Variants in SLC35F1 observed in about 807,000 individuals in gnomAD.
SLC35F1 encodes chromosome 6 open reading frame 169.
A neutral mutation model predicts 48.7 loss-of-function variants in SLC35F1; 14 were observed. That is an observed-to-expected ratio of 0.29 (90% CI 0.19 to 0.45). The LOEUF is 0.45. Among genes scored for constraint, SLC35F1 ranks in the 20% least tolerant of loss-of-function variants. The pLI, the probability that SLC35F1 is intolerant of heterozygous loss-of-function variation, is 1.00. For missense variants in SLC35F1, 404 were observed against 500.0 expected, an observed-to-expected ratio of 0.81 and a Z score of 1.83; for synonymous variants, 190 against 202.2, an observed-to-expected ratio of 0.94 and a Z score of 0.51.
chr6:117,950,715 A>C (rs1048136781), intron 1 of SLC35F1, among the ~76,000 whole-genome samples: 1 of 152,190 alleles, frequency 6.6e-6, no homozygotes, highest in Non-Finnish European at 1.5e-5. Flanking sequence ...GATATAGAGA[A>C]ACCATCTGAA....
intron 7 of SLC35F1, among the ~76,000 whole-genome samples, chr6:118,308,740 C>T (rs1023137379): frequency 1.3e-5 from 2 of 152,190 alleles, no homozygotes; most frequent in Non-Finnish European, 2.9e-5. Flanking sequence ...AATACCTTTT[C>T]ATCAGAAGTC....
chr6:117,998,407 G>A (rs1389450296), intron 1 of SLC35F1, among the ~76,000 whole-genome samples: 10 of 152,082 alleles, frequency 6.6e-5, no homozygotes, highest in Non-Finnish European at 1.3e-4. Context: ...ATTGAACTCA[G>A]CTCTGCACCA....
chr6:118,242,005 G>T (rs1775447222), intron 3 of SLC35F1, among the ~76,000 whole-genome samples: 1 of 152,112 alleles, frequency 6.6e-6, no homozygotes, highest in Admixed American at 6.5e-5. Flanking sequence ...TCCACCTTTA[G>T]GCTTTTATAA....
At chr6:117,966,539 C>A (rs572052596) in intron 1 of SLC35F1, among the ~76,000 whole-genome samples, 1 of 152,234 alleles carries the variant, frequency 6.6e-6, no homozygotes, top group East Asian at 1.9e-4. Context: ...ACGAACCCAC[C>A]AGAAGGAAGA....
chr6:118,031,179 G>T (rs1772041000), intron 1 of SLC35F1, among the ~76,000 whole-genome samples: 1 of 152,042 alleles, frequency 6.6e-6, no homozygotes, highest in Non-Finnish European at 1.5e-5. Flanking sequence ...ATGTGATTTG[G>T]AATGGACCTG....
intron 1 of SLC35F1, among the ~76,000 whole-genome samples, chr6:118,088,728 T>C (rs1773028614): frequency 6.6e-6 from 1 of 152,162 alleles, no homozygotes; most frequent in Non-Finnish European, 1.5e-5. Flanking sequence ...CATTCAGCCA[T>C]AGGGGTGATG....
chr6:118,175,595 C>T (rs566155818), intron 2 of SLC35F1, among the ~76,000 whole-genome samples: 1 of 152,282 alleles, frequency 6.6e-6, no homozygotes, highest in East Asian at 1.9e-4. Context: ...TGTAAGTCCA[C>T]ATGCCATTAC....
intron 1 of SLC35F1, among the ~76,000 whole-genome samples, chr6:117,966,622 C>A (rs143387452): frequency 6.6e-6 from 1 of 152,296 alleles, no homozygotes. Context: ...TTGAAGTCAG[C>A]GAGACCAAGA....
At chr6:118,156,103 T>C (rs1036897315) in intron 2 of SLC35F1, among the ~76,000 whole-genome samples, 1 of 152,148 alleles carries the variant, frequency 6.6e-6, no homozygotes, top group African/African-American at 2.4e-5. Context: ...AAGTTTAACA[T>C]CAATAGTCAT....
intron 7 of SLC35F1, among the ~76,000 whole-genome samples, chr6:118,310,889 T>C (rs1776364771): frequency 6.6e-6 from 1 of 152,216 alleles, no homozygotes; most frequent in African/African-American, 2.4e-5. Flanking sequence ...TACATTACAA[T>C]AGCGAGGGCA....
intron 1 of SLC35F1, among the ~76,000 whole-genome samples, chr6:118,044,463 G>A (rs148753841): frequency 6.6e-6 from 1 of 152,012 alleles, no homozygotes; most frequent in Admixed American, 6.6e-5. Context: ...CTTCACTTTG[G>A]GTGGAGTTGC....
chr6:118,246,344 A>G lies in SLC35F1; in HGVS notation c.477+10708A>G, dbSNP rs189196824. Among the ~76,000 whole-genome samples, 587 of 152,296 alleles carry G rather than the reference A, an allele frequency of 3.9e-3. 3 individuals are homozygous for G. Among genetic ancestry groups the G allele is most frequent in the Admixed American group, 0.011 (167 of 15,296 alleles). On this transcript the variant is annotated intron_variant, in intron 3 of 7. Coordinates refer to ENST00000360388, the MANE Select transcript of SLC35F1 (RefSeq NM_001029858.4). ...CTCAGCTTTACAGATAGATGGCTGT[A>G]TGGAGCATGATTTAACAGGGGAAAT...
intron 2 of SLC35F1, among the ~76,000 whole-genome samples, chr6:118,229,009 A>G (rs1317390018): frequency 6.6e-6 from 1 of 151,454 alleles, no homozygotes; most frequent in Non-Finnish European, 1.5e-5. Context: ...TTATATACTC[A>G]GACTACCCCT....
chr6:118,002,494 A>G (rs1007414610), intron 1 of SLC35F1, among the ~76,000 whole-genome samples: 1 of 151,954 alleles, frequency 6.6e-6, no homozygotes, highest in African/African-American at 2.4e-5. Flanking sequence ...AGATATACCT[A>G]ATGTTAAATG....
In SLC35F1 at chr6:117,977,785, T is replaced by C. The variant is rs191239212; in HGVS notation, c.173+69886T>C. On this transcript the variant is annotated intron_variant, in intron 1 of 7. Coordinates refer to ENST00000360388, the MANE Select transcript of SLC35F1 (RefSeq NM_001029858.4). ...AAATCTATTAAATACTTTTGTGGTTTTGGTCATTGATTTTTCTTTTAATGC... is the reference window on the plus strand; with the variant it reads ...AAATCTATTAAATACTTTTGTGGTTCTGGTCATTGATTTTTCTTTTAATGC... 2.9e-4 allele frequency among the ~76,000 whole-genome samples: 44 copies of C among 152,252 alleles called. No individual in the cohort carries two copies. In the East Asian group the frequency reaches 8.3e-3, roughly 29 times the overall value.
At chr6:117,999,298 T>C in intron 1 of SLC35F1, 6 of 1,596,106 alleles carry the variant, frequency 3.8e-6, no homozygotes, top group Non-Finnish European at 5.1e-6. Flanking sequence ...GGAAGCGTGC[T>C]CTTGCCCGTA....
chr6:118,029,510 T>C (rs1480862089), intron 1 of SLC35F1, among the ~76,000 whole-genome samples: 1 of 152,180 alleles, frequency 6.6e-6, no homozygotes, highest in Admixed American at 6.5e-5. Flanking sequence ...CATGTTTGTG[T>C]CAGGTATGTT....
intron 2 of SLC35F1, among the ~76,000 whole-genome samples, chr6:118,198,447 C>G (rs1375051588): frequency 6.6e-6 from 1 of 152,052 alleles, no homozygotes; most frequent in Non-Finnish European, 1.5e-5. Flanking sequence ...GGAAGACTTC[C>G]CTGAGCTATA....
At chr6:118,113,242 A>C (rs2114387284) in intron 1 of SLC35F1, among the ~76,000 whole-genome samples, 1 of 152,222 alleles carries the variant, frequency 6.6e-6, no homozygotes, top group East Asian at 1.9e-4. Context: ...GTGTGCCACC[A>C]CACTGGGCTA....
Sources: allele counts gnomAD v4.1 joint callset (sites outside exome capture counted in the v4.1 genomes callset), GRCh38; gene constraint gnomAD v4.1.1; transcripts MANE v1.5; gene names NCBI Gene and HGNC (gene_info 2026-07-23, HGNC 2026-07-21).